ZNF804A: variants seen among roughly 807,000 people sequenced by gnomAD.
ZNF804A encodes zinc finger protein 804A.
A neutral mutation model predicts 16.5 loss-of-function variants in ZNF804A; 2 were observed. That is an observed-to-expected ratio of 0.12 (90% CI 0.05 to 0.38). The LOEUF (loss-of-function observed/expected upper bound fraction) is 0.38, where lower values mean the gene tolerates loss of function less well. ZNF804A is among the 10% of genes least tolerant of loss of function. The pLI, the probability that ZNF804A is intolerant of heterozygous loss-of-function variation, is 0.99. For synonymous variants in ZNF804A, 534 were observed against 489.6 expected, an observed-to-expected ratio of 1.09 and a Z score of -1.20; for missense variants, 1,473 against 1,390.7, an observed-to-expected ratio of 1.06 and a Z score of -0.94.
At chr2:184,925,276 G>A (rs548754250) in intron 2 of ZNF804A, among the ~76,000 whole-genome samples, 30 of 151,780 alleles carry the variant, frequency 2.0e-4, no homozygotes, top group Middle Eastern at 3.4e-3. Flanking sequence ...TCTTTTTGTC[G>A]TTATATAGTG....
At chr2:184,637,646 T>C (rs1269905987) in intron 1 of ZNF804A, among the ~76,000 whole-genome samples, 1 of 152,194 alleles carries the variant, frequency 6.6e-6, no homozygotes, top group East Asian at 1.9e-4. Context: ...TACTCAGAGT[T>C]AATATGTTAT....
chr2:184,609,805 A>G (rs774868552), intron 1 of ZNF804A, among the ~76,000 whole-genome samples: 2 of 152,242 alleles, frequency 1.3e-5, no homozygotes, highest in African/African-American at 2.4e-5. Context: ...GGATTTCAGC[A>G]TATGTATTTT....
chr2:184,810,335 T>C (rs1574223014), intron 1 of ZNF804A, among the ~76,000 whole-genome samples: 1 of 152,170 alleles, frequency 6.6e-6, no homozygotes, highest in East Asian at 1.9e-4. Context: ...ACAAATCAAT[T>C]ATATGTGTTC....
intron 1 of ZNF804A, among the ~76,000 whole-genome samples, chr2:184,852,123 C>T (rs1315748486): frequency 1.3e-5 from 2 of 151,648 alleles, no homozygotes; most frequent in South Asian, 2.1e-4. Context: ...ACAGTAGTCA[C>T]CTGCTTATCT....
chr2:184,814,994 A>G (rs544852403), intron 1 of ZNF804A, among the ~76,000 whole-genome samples: 2 of 152,126 alleles, frequency 1.3e-5, no homozygotes, highest in South Asian at 4.1e-4. Flanking sequence ...TTTGCTTTGG[A>G]ATTTACAAGA....
intron 1 of ZNF804A, among the ~76,000 whole-genome samples, chr2:184,611,282 T>TG (rs1405103730): frequency 6.6e-6 from 1 of 152,100 alleles, no homozygotes; most frequent in Admixed American, 6.5e-5. Context: ...ATACTTTTTT[T>TG]GGGGGAGGGC....
chr2:184,776,837 C>T (rs72903709), intron 1 of ZNF804A, among the ~76,000 whole-genome samples: 7,613 of 151,608 alleles, frequency 0.05, 245 homozygotes, highest in Middle Eastern at 0.078. Flanking sequence ...GTTTGAACAT[C>T]TCACTGTTCC....
chr2:184,851,469 G>A (rs937616351), intron 1 of ZNF804A, among the ~76,000 whole-genome samples: 10 of 151,788 alleles, frequency 6.6e-5, no homozygotes, highest in African/African-American at 2.4e-4. Context: ...TTCACTTAAC[G>A]TAATGTCCTC....
At chr2:184,644,684 A>C (rs1574144602) in intron 1 of ZNF804A, among the ~76,000 whole-genome samples, 1 of 152,146 alleles carries the variant, frequency 6.6e-6, no homozygotes, top group East Asian at 1.9e-4. Flanking sequence ...ACACTCTTTC[A>C]AATTCTATGA....
intron 1 of ZNF804A, among the ~76,000 whole-genome samples, chr2:184,746,618 T>C: frequency 6.6e-6 from 1 of 151,452 alleles, no homozygotes; most frequent in South Asian, 2.1e-4. Context: ...ATCACTCTGT[T>C]GTGCTATTAA....
rs910040981 is a variant in ZNF804A, at chr2:184,922,567, A to G, written c.256-11036A>G. ...TGTGAGTTGTCTCTTCAGTTTGTTA[A>G]TTGTTTTCTTTGCTGTGCAGAAGCT... is the stretch of plus-strand genomic sequence containing the variant. On this transcript the variant is annotated intron_variant, in intron 2 of 3. Coordinates refer to ENST00000302277, the MANE Select transcript of ZNF804A (RefSeq NM_194250.2). Among the ~76,000 whole-genome samples the G allele has an allele frequency of 3.3e-5, 5 of 151,796 alleles. No homozygotes were observed. In the South Asian group the frequency reaches 1.0e-3, roughly 32 times the overall value.
At chr2:184,710,832 C>T (rs892190810) in intron 1 of ZNF804A, among the ~76,000 whole-genome samples, 2 of 151,692 alleles carry the variant, frequency 1.3e-5, no homozygotes, top group African/African-American at 2.4e-5. Context: ...GCATATGGTA[C>T]GATTTCCTTC....
chr2:184,684,594 A>G (rs143930583), intron 1 of ZNF804A, among the ~76,000 whole-genome samples: 1 of 152,094 alleles, frequency 6.6e-6, no homozygotes, highest in African/African-American at 2.4e-5. Context: ...TATATTTTAC[A>G]TACTGGGGGG....
intron 1 of ZNF804A, among the ~76,000 whole-genome samples, chr2:184,733,612 A>G (rs1693558330): frequency 1.3e-5 from 2 of 152,234 alleles, no homozygotes; most frequent in African/African-American, 2.4e-5. Flanking sequence ...TCTTCCTTAC[A>G]TATCTGGTAG....
intron 2 of ZNF804A, among the ~76,000 whole-genome samples, chr2:184,873,149 TTAGGAACATATC>T (rs1209766423): frequency 5.3e-5 from 8 of 152,180 alleles, no homozygotes; most frequent in Admixed American, 4.6e-4. Flanking sequence ...TTTATATATT[TTAGGAACATATC>T]TAGGGAATTA....
At chr2:184,831,227 G>C (rs76585359) in intron 1 of ZNF804A, among the ~76,000 whole-genome samples, 2,456 of 152,122 alleles carry the variant, frequency 0.016, 26 homozygotes, top group Non-Finnish European at 0.026. Context: ...AATGGTTGGT[G>C]TTAGTGTTAA....
At chr2:184,897,987 T>C (rs1460780981) in intron 2 of ZNF804A, among the ~76,000 whole-genome samples, 1 of 152,138 alleles carries the variant, frequency 6.6e-6, no homozygotes, top group Non-Finnish European at 1.5e-5. Context: ...CCTTAACATT[T>C]CAGGGTTATT....
intron 1 of ZNF804A, among the ~76,000 whole-genome samples, chr2:184,688,750 G>A (rs1692683829): frequency 6.6e-6 from 1 of 151,970 alleles, no homozygotes. Context: ...TGTGCTAAAA[G>A]GAACATTTTT....
intron 2 of ZNF804A, among the ~76,000 whole-genome samples, chr2:184,928,477 G>C (rs1039380712): frequency 1.3e-5 from 2 of 152,128 alleles, no homozygotes; most frequent in East Asian, 1.9e-4. Flanking sequence ...GGTTAGGGGA[G>C]GGGGAGGAGT....
Sources: gnomAD v4.1 joint callset for allele counts (sites outside exome capture counted in the v4.1 genomes callset) on GRCh38, gnomAD v4.1.1 for gene constraint, MANE v1.5 for transcripts, NCBI Gene and HGNC (gene_info 2026-07-23, HGNC 2026-07-21) for gene names.